The following CNBD1 variants were observed in gnomAD, a reference collection of about 807,000 sequenced individuals.
CNBD1 encodes cyclic nucleotide-binding domain-containing protein 1.
In CNBD1, 71 loss-of-function variants were observed where a neutral mutation model predicts 54.4. That is an observed-to-expected ratio of 1.30 (90% CI 1.08 to 1.59). The LOEUF (loss-of-function observed/expected upper bound fraction) is 1.59, where lower values mean the gene tolerates loss of function less well. Among genes scored for constraint, CNBD1 ranks in the 40% most tolerant of loss-of-function variants. CNBD1 has a pLI of 0.00. For missense variants in CNBD1, 659 were observed against 518.0 expected, an observed-to-expected ratio of 1.27 and a Z score of -2.64; for synonymous variants, 182 against 170.7, an observed-to-expected ratio of 1.07 and a Z score of -0.51.
intron 6 of CNBD1, chr8:87,237,352 C>A: frequency 3.1e-6 from 1 of 318,052 alleles, no homozygotes; most frequent in Non-Finnish European, 5.7e-6. Flanking sequence ...TGGTAACAGA[C>A]AAGGTTGATG....
At chr8:87,158,641 GGGGAGAT>G (rs778914142) in intron 4 of CNBD1, among the ~76,000 whole-genome samples, 23 of 152,194 alleles carry the variant, frequency 1.5e-4, no homozygotes, top group Non-Finnish European at 2.1e-4. Context: ...TCTGAGCCTG[GGGGAGAT>G]GGGAGTTTAA....
chr8:87,368,691 C>T (rs1390960255), intron 10 of CNBD1, among the ~76,000 whole-genome samples: 1 of 151,864 alleles, frequency 6.6e-6, no homozygotes, highest in Non-Finnish European at 1.5e-5. Flanking sequence ...AGAAAGATAG[C>T]ACCTGCTTCT....
At chr8:87,410,308 G>A (rs1807719944) in intron 2 of CNBD1, among the ~76,000 whole-genome samples, 1 of 152,106 alleles carries the variant, frequency 6.6e-6, no homozygotes, top group Admixed American at 6.6e-5. Flanking sequence ...CATTTCATTA[G>A]GATATAGCTC....
chr8:86,898,266 G>A (rs1276666891), intron 2 of CNBD1, among the ~76,000 whole-genome samples: 2 of 152,112 alleles, frequency 1.3e-5, no homozygotes, highest in Non-Finnish European at 2.9e-5. Context: ...TTCTCTGAGG[G>A]TGGTGAAAAA....
At chr8:86,866,702 C>T (rs1808370291) in intron 1 of CNBD1, 119 bp downstream of exon 1, 4 of 733,078 alleles carry the variant, frequency 5.5e-6, no homozygotes, top group Non-Finnish European at 9.5e-6. Context: ...ATCTTATTGA[C>T]AGTGCTGAAG....
chr8:87,158,644 G>C (rs1586296920), intron 4 of CNBD1, among the ~76,000 whole-genome samples: 1 of 152,176 alleles, frequency 6.6e-6, no homozygotes, highest in African/African-American at 2.4e-5. Flanking sequence ...GAGCCTGGGG[G>C]AGATGGGAGT....
At chr8:86,990,004 T>C (rs1237672845) in intron 4 of CNBD1, among the ~76,000 whole-genome samples, 1 of 152,202 alleles carries the variant, frequency 6.6e-6, no homozygotes, top group Non-Finnish European at 1.5e-5. Context: ...CTTCTTATGA[T>C]AAATGTCTAA....
intron 4 of CNBD1, among the ~76,000 whole-genome samples, chr8:86,943,174 A>G (rs954048924): frequency 3.3e-5 from 5 of 151,898 alleles, no homozygotes; most frequent in Non-Finnish European, 5.9e-5. Flanking sequence ...TGAGGTCAAG[A>G]GATGGAAACC....
intron 6 of CNBD1, among the ~76,000 whole-genome samples, chr8:87,254,054 A>G (rs1026211174): frequency 2.0e-5 from 3 of 152,196 alleles, no homozygotes; most frequent in Non-Finnish European, 2.9e-5. Context: ...AGTAATGTCT[A>G]GTAGAACTTT....
intron 10 of CNBD1, among the ~76,000 whole-genome samples, chr8:87,374,951 G>GC (rs1810895265): frequency 6.6e-6 from 1 of 151,826 alleles, no homozygotes; most frequent in Non-Finnish European, 1.5e-5. Flanking sequence ...TGGCAAAAAT[G>GC]CAAGGTTTTC....
chr8:87,405,950 A>G (rs1197901331), intron 2 of CNBD1, among the ~76,000 whole-genome samples: 2 of 152,166 alleles, frequency 1.3e-5, no homozygotes, highest in African/African-American at 4.8e-5. Flanking sequence ...AATAGTATTC[A>G]GGGAGATTGA....
chr8:87,332,850 A>C (rs768132560), intron 8 of CNBD1, among the ~76,000 whole-genome samples: 1 of 152,166 alleles, frequency 6.6e-6, no homozygotes, highest in Non-Finnish European at 1.5e-5. Flanking sequence ...TGCCTTTGCT[A>C]TGCAGGCCGT....
rs201669728 is a variant in CNBD1, at chr8:87,325,346, C to A, written c.1043-26339C>A. Among the ~76,000 whole-genome samples, 34 of 91,900 alleles carry A rather than the reference C, an allele frequency of 3.7e-4. 4 individuals are homozygous for A. In the East Asian group the frequency reaches 7.2e-3, roughly 19 times the overall value. 60.3% of individuals were successfully genotyped at this position (91,900 alleles called of 152,430 possible). ...GCTTGGTACAGAGCTGAGTTCAATT[C>A]CTGGGTATCCTTGTTGACTTTCTGT... On this transcript the variant is annotated intron_variant, in intron 8 of 10. Transcript: ENST00000518476.
At chr8:87,132,146 A>G (rs1009255443) in intron 4 of CNBD1, among the ~76,000 whole-genome samples, 1 of 151,902 alleles carries the variant, frequency 6.6e-6, no homozygotes, top group Non-Finnish European at 1.5e-5. Flanking sequence ...AACACCTAAA[A>G]TTAATTACTA....
At position 87,334,649 on chromosome 8, in the gene CNBD1, C is replaced by A. The variant is rs577387059; in HGVS notation, c.1043-17036C>A. Among the ~76,000 whole-genome samples the A allele has an allele frequency of 5.9e-5, 9 of 151,534 alleles. 1 individual carries two copies. In the South Asian group the frequency reaches 1.9e-3, roughly 32 times the overall value. On this transcript the variant is annotated intron_variant, in intron 8 of 10. Transcript: ENST00000518476. ...TATTTACCCAGTAGTCATTCAGGAG[C>A]AAGTTGTTCAATTTCTATGTAGTTG... is the stretch of plus-strand genomic sequence containing the variant.
At chr8:87,245,256 GA>G (rs1807780490) in intron 6 of CNBD1, among the ~76,000 whole-genome samples, 1 of 151,836 alleles carries the variant, frequency 6.6e-6, no homozygotes, top group African/African-American at 2.4e-5. Context: ...ATAAATTAGA[GA>G]AAAAGTAAAA....
intron 3 of CNBD1, among the ~76,000 whole-genome samples, chr8:86,916,246 A>T (rs1809182854): frequency 6.6e-6 from 1 of 152,134 alleles, no homozygotes; most frequent in Non-Finnish European, 1.5e-5. Flanking sequence ...AAGTGTATTA[A>T]AAAGTTTCAG....
At chr8:86,935,740 T>C (rs1381178825) in intron 3 of CNBD1, among the ~76,000 whole-genome samples, 2 of 152,188 alleles carry the variant, frequency 1.3e-5, no homozygotes, top group Non-Finnish European at 2.9e-5. Context: ...ATTTTTATCC[T>C]TTATTATATA....
intron 4 of CNBD1, among the ~76,000 whole-genome samples, chr8:86,971,894 TATC>T (rs1362037525): frequency 2.6e-5 from 4 of 152,160 alleles, no homozygotes; most frequent in African/African-American, 7.2e-5. Context: ...TGGGAATAAT[TATC>T]ATTTTATCTC....
Sources: gnomAD v4.1 joint callset for allele counts (sites outside exome capture counted in the v4.1 genomes callset) on GRCh38, gnomAD v4.1.1 for gene constraint, MANE v1.5 for transcripts, NCBI Gene and HGNC (gene_info 2026-07-23, HGNC 2026-07-21) for gene names.